The following ZMYND11 variants were observed in gnomAD, a reference collection of about 807,000 sequenced individuals.
ZMYND11 encodes the protein zinc finger MYND domain-containing protein 11.
In ZMYND11, 9 loss-of-function variants were observed where a neutral mutation model predicts 84.9. The observed-to-expected ratio is 0.11, with a 90% CI of 0.06 to 0.18. The LOEUF is 0.18. Among genes scored for constraint, ZMYND11 ranks in the 10% least tolerant of loss-of-function variants. The pLI, the probability that ZMYND11 is intolerant of heterozygous loss-of-function variation, is 1.00. For synonymous variants in ZMYND11, 250 were observed against 244.1 expected, an observed-to-expected ratio of 1.02 and a Z score of -0.23; for missense variants, 409 against 761.0, an observed-to-expected ratio of 0.54 and a Z score of 5.44.
intron 1 of ZMYND11, among the ~76,000 whole-genome samples, chr10:165,645 C>T (rs898735445): frequency 3.9e-5 from 6 of 152,136 alleles, no homozygotes; most frequent in African/African-American, 1.4e-4. Flanking sequence ...GAAATCTAAG[C>T]ATTATCCTTG....
rs542758240 is a variant in ZMYND11, at chr10:242,134, C to T, written c.945C>T (p.His315=). The T allele has an allele frequency of 1.1e-5, 18 of 1,613,828 alleles. No individual in the cohort carries two copies. The highest frequency in any genetic ancestry group is 4.4e-5 in the South Asian group (4 of 91,074). ...ACGTTCGCTTCTTTGGCCACCACCA[C>T]CAGAGGTAATTTGTGATCCCATGTT... ...QVDVRFFGHH[H]QRAWIPSENI... Residue 315 remains histidine, a synonymous_variant, in exon 10 of 15, where the codon CAC becomes CAT. Transcript: ENST00000381604.
upstream of ZMYND11, among the ~76,000 whole-genome samples, chr10:133,658 G>C (rs1268078302): frequency 6.6e-6 from 1 of 152,168 alleles, no homozygotes; most frequent in Non-Finnish European, 1.5e-5. Context: ...TACAGATGAA[G>C]TAACAGACTG....
chr10:175,004 A>G (rs1846274226), intron 1 of ZMYND11, among the ~76,000 whole-genome samples: 1 of 152,236 alleles, frequency 6.6e-6, no homozygotes, highest in Admixed American at 6.5e-5. Flanking sequence ...GTCAGAACCC[A>G]TGGGCACTAC....
rs992119020 is a variant in ZMYND11, at chr10:246,830, C to T, written c.1015C>T (p.Arg339Cys). 1.9e-6 allele frequency: 3 copies of T among 1,614,102 alleles called. No homozygotes were observed. Among genetic ancestry groups the T allele is most frequent in the Non-Finnish European group, 2.5e-6 (3 of 1,180,036 alleles). The change falls in exon 11 of 15, where the codon CGC becomes TGC. Residue 339 changes from arginine (R) to cysteine (C), a missense_variant. By Grantham distance (180) the Arg-to-Cys change is radical (BLOSUM62 -3). Transcript: ENST00000381604. ...CAACATTCATCGGCTGCACGTGAAG[C>T]GCAGTATGGGTTGGAAAAAGGCCTG... ...TVNIHRLHVK[R>C]SMGWKKACDE...
chr10:185,638 AC>A (rs1168741600), intron 2 of ZMYND11, among the ~76,000 whole-genome samples: 2 of 151,564 alleles, frequency 1.3e-5, no homozygotes, highest in African/African-American at 4.8e-5. Context: ...ACATAGTGAA[AC>A]CCTGTCTCTA....
intron 1 of ZMYND11, among the ~76,000 whole-genome samples, chr10:176,276 AT>A (rs200486858): frequency 8.6e-4 from 125 of 146,076 alleles, no homozygotes; most frequent in Admixed American, 2.0e-3. Flanking sequence ...GCTACTTTTT[AT>A]TTTTTTTTTT....
intron 1 of ZMYND11, among the ~76,000 whole-genome samples, chr10:173,050 A>G (rs1478322755): frequency 1.3e-5 from 2 of 151,260 alleles, no homozygotes; most frequent in African/African-American, 4.9e-5. Context: ...AAAAAAAAAG[A>G]AGAATCATCT....
chr10:132,943 G>A (rs1226038514), upstream of ZMYND11, among the ~76,000 whole-genome samples: 1 of 152,170 alleles, frequency 6.6e-6, no homozygotes, highest in Non-Finnish European at 1.5e-5. Context: ...GTATTCAATT[G>A]TATAAACAGT....
chr10:234,173 A>G (rs572109324), intron 4 of ZMYND11, among the ~76,000 whole-genome samples: 7 of 152,366 alleles, frequency 4.6e-5, no homozygotes, highest in African/African-American at 1.7e-4. Context: ...GGATGGCTTT[A>G]TTTTCTAAAG....
At chr10:235,774 G>A (rs1284336158) in intron 4 of ZMYND11, among the ~76,000 whole-genome samples, 1 of 152,252 alleles carries the variant, frequency 6.6e-6, no homozygotes, top group African/African-American at 2.4e-5. Context: ...AGTGGGGTCA[G>A]GAAGGTGCAG....
chr10:182,574 A>G (rs1848108389), intron 2 of ZMYND11, among the ~76,000 whole-genome samples: 1 of 152,184 alleles, frequency 6.6e-6, no homozygotes, highest in Non-Finnish European at 1.5e-5. Context: ...CCTCTTCCTC[A>G]TCTCATCTGA....
chr10:209,866 A>C, intron 2 of ZMYND11, 23 bp from the exon 3 acceptor site: 1 of 1,575,032 alleles, frequency 6.3e-7, no homozygotes, highest in Non-Finnish European at 8.6e-7. Flanking sequence ...AGATTTTTAA[A>C]TTTGTTTTTC....
Position 239,473 on chromosome 10 carries a change from G to A in ZMYND11, c.645G>A (p.Glu215=), listed in dbSNP as rs770267222. The A allele has an allele frequency of 1.9e-6, 3 of 1,613,556 alleles. No individual in the cohort carries two copies. The highest frequency in any genetic ancestry group is 2.5e-6 in the Non-Finnish European group (3 of 1,179,824). Residue 215 remains glutamate (E), a synonymous_variant, in exon 7 of 15, where the codon GAG becomes GAA. Transcript: ENST00000381604. ...AAGGGAAATACCGAAGTTATGAAGA[G>A]TTCAAAGCTGATGCCCAATTGCTTC... is the stretch of plus-strand genomic sequence containing the variant. ...VNEGKYRSYE[E]FKADAQLLLH...
intron 1 of ZMYND11, among the ~76,000 whole-genome samples, chr10:149,463 A>C (rs1839790331): frequency 6.6e-6 from 1 of 151,886 alleles, no homozygotes; most frequent in African/African-American, 2.4e-5. Context: ...GGCGCCTACC[A>C]CCATGCCTGG....
chr10:162,153 C>T (rs1387132603), intron 1 of ZMYND11, among the ~76,000 whole-genome samples: 6 of 152,100 alleles, frequency 3.9e-5, no homozygotes, highest in African/African-American at 1.2e-4. Flanking sequence ...CAAGGAGGCT[C>T]GAGCAGAGGG....
upstream of ZMYND11, among the ~76,000 whole-genome samples, chr10:130,454 A>G (rs1006879380): frequency 7.2e-5 from 11 of 152,218 alleles, no homozygotes; most frequent in South Asian, 2.1e-4. Flanking sequence ...CCCGTTTAAT[A>G]TTCATCATTA....
Position 252,272 on chromosome 10 carries a change from A to C in ZMYND11, c.1687-76A>C. 1.9e-6 allele frequency: 3 copies of C among 1,554,624 alleles called. No individual in the cohort carries two copies. Among genetic ancestry groups the C allele is most frequent in the South Asian group, 2.3e-5 (2 of 86,550 alleles). On this transcript the variant is annotated intron_variant, in intron 14 of 14. Transcript: ENST00000381604. This position sits in a 1 kb window ranked among gnomAD's most constrained non-coding sequence, Gnocchi z 4.6. ...AAAGATCTTTTAAAAGCACCACCTC[A>C]AGAGTTTGCCATTTTAACCAGTCGC...
At chr10:145,332 A>G (rs1388987041) in intron 1 of ZMYND11, among the ~76,000 whole-genome samples, 5 of 151,716 alleles carry the variant, frequency 3.3e-5, no homozygotes, top group African/African-American at 4.8e-5. Flanking sequence ...TATCTTTGCA[A>G]TTGTGAATTG....
At chr10:159,522 A>T (rs1235765287) in intron 1 of ZMYND11, among the ~76,000 whole-genome samples, 2 of 152,180 alleles carry the variant, frequency 1.3e-5, no homozygotes, top group Admixed American at 6.5e-5. Flanking sequence ...ATAAATTTAT[A>T]GGCCTTTTGC....
Sources: allele counts gnomAD v4.1 joint callset (sites outside exome capture counted in the v4.1 genomes callset), GRCh38; gene constraint gnomAD v4.1.1; non-coding constraint Gnocchi (gnomAD v3.1); transcripts MANE v1.5; gene names NCBI Gene and HGNC (gene_info 2026-07-23, HGNC 2026-07-21).